EPHA6: variants seen among roughly 807,000 people sequenced by gnomAD.
EPHA6 encodes the protein EPH receptor A6.
In EPHA6, 50 loss-of-function variants were observed where a neutral mutation model predicts 112.0. The observed-to-expected ratio is 0.45, with a 90% confidence interval of 0.36 to 0.56. The LOEUF (loss-of-function observed/expected upper bound fraction) is 0.56. Ranked by LOEUF, EPHA6 falls within the 20% of genes least tolerant of loss-of-function variation. The pLI, the probability that EPHA6 is intolerant of heterozygous loss-of-function variation, is 0.00. For synonymous variants in EPHA6, 529 were observed against 490.7 expected, an observed-to-expected ratio of 1.08 and a Z score of -1.03; for missense variants, 1,280 against 1,417.4, an observed-to-expected ratio of 0.90 and a Z score of 1.56.
chr3:97,549,759 G>A (rs568682552), intron 11 of EPHA6, among the ~76,000 whole-genome samples: 12 of 152,058 alleles, frequency 7.9e-5, no homozygotes, highest in South Asian at 4.2e-4. Context: ...GCAGTGAGCC[G>A]AGCATCATGC....
intron 2 of EPHA6, among the ~76,000 whole-genome samples, chr3:96,934,864 G>A (rs1313834419): frequency 2.0e-5 from 3 of 148,776 alleles, no homozygotes; most frequent in Admixed American, 2.0e-4. Context: ...CATCCTTTAA[G>A]TATAATAGCT....
chr3:97,294,809 T>A (rs1387916149), intron 5 of EPHA6, among the ~76,000 whole-genome samples: 2 of 152,190 alleles, frequency 1.3e-5, no homozygotes, highest in Non-Finnish European at 2.9e-5. Context: ...ATTCCCTTAG[T>A]CTTTGCTTCT....
intron 7 of EPHA6, among the ~76,000 whole-genome samples, chr3:97,467,320 AAT>A: frequency 6.6e-6 from 1 of 151,776 alleles, no homozygotes; most frequent in East Asian, 1.9e-4. Flanking sequence ...TTCTATGAAA[AAT>A]AGACTCCAAA....
intron 3 of EPHA6, among the ~76,000 whole-genome samples, chr3:97,221,751 G>C (rs1288362415): frequency 6.6e-6 from 1 of 151,964 alleles, no homozygotes; most frequent in Non-Finnish European, 1.5e-5. Flanking sequence ...AAAACTAAAG[G>C]CTGGGTGCGG....
intron 3 of EPHA6, among the ~76,000 whole-genome samples, chr3:97,037,825 A>G (rs1036817948): frequency 1.3e-5 from 2 of 152,092 alleles, no homozygotes; most frequent in East Asian, 1.9e-4. Flanking sequence ...AATTCAGGGC[A>G]TGGAAAATAA....
intron 5 of EPHA6, among the ~76,000 whole-genome samples, chr3:97,363,219 T>TCTC: frequency 1.3e-5 from 1 of 77,220 alleles, no homozygotes; most frequent in Non-Finnish European, 3.0e-5. Flanking sequence ...TATATATATA[T>TCTC]ATATATATAT....
At chr3:97,269,660 G>C (rs2079816042) in intron 5 of EPHA6, among the ~76,000 whole-genome samples, 2 of 152,140 alleles carry the variant, frequency 1.3e-5, no homozygotes, top group South Asian at 4.2e-4. Flanking sequence ...AACACAACTG[G>C]AGTATGTCCT....
chr3:97,281,604 A>G (rs1303366671), intron 5 of EPHA6, among the ~76,000 whole-genome samples: 1 of 152,178 alleles, frequency 6.6e-6, no homozygotes, highest in Non-Finnish European at 1.5e-5. Context: ...GGATTATAAC[A>G]CAATGAAAAT....
chr3:97,690,834 C>T (rs1282440499), intron 14 of EPHA6, among the ~76,000 whole-genome samples: 3 of 152,104 alleles, frequency 2.0e-5, no homozygotes, highest in Non-Finnish European at 1.5e-5. Flanking sequence ...TTTATATGTT[C>T]TGGATACAAG....
chr3:97,518,453 A>AT lies in EPHA6; in HGVS notation c.2201-13894dup, dbSNP rs954554562. On this transcript the variant is annotated intron_variant, in intron 10 of 17. Transcript: ENST00000389672. ...GGTTCAGGTATCTTTAGACATACTG[A>AT]TTTTTTTTTTTCCTTTGGATAAATA... Among the ~76,000 whole-genome samples the AT allele has an allele frequency of 9.0e-4, 131 of 146,124 alleles. No individual in the cohort carries two copies. In the Middle Eastern group the frequency reaches 0.011, roughly 12 times the overall value.
intron 3 of EPHA6, among the ~76,000 whole-genome samples, chr3:97,116,138 T>C (rs1364440797): frequency 1.3e-5 from 2 of 151,792 alleles, no homozygotes; most frequent in African/African-American, 2.4e-5. Flanking sequence ...GCATGTGTCT[T>C]CTTTTAAAAC....
intron 5 of EPHA6, among the ~76,000 whole-genome samples, chr3:97,290,405 A>G (rs1371184995): frequency 6.6e-6 from 1 of 152,142 alleles, no homozygotes; most frequent in African/African-American, 2.4e-5. Flanking sequence ...AGAAGAATGT[A>G]TAGTCTGTGG....
At chr3:97,742,636 C>T (rs770194663) in intron 16 of EPHA6, among the ~76,000 whole-genome samples, 1 of 151,980 alleles carries the variant, frequency 6.6e-6, no homozygotes, top group Non-Finnish European at 1.5e-5. Context: ...CTGTTTGAAA[C>T]AAATATATAT....
chr3:97,475,000 A>G (rs1419240801), intron 7 of EPHA6, among the ~76,000 whole-genome samples: 1 of 152,102 alleles, frequency 6.6e-6, no homozygotes, highest in Non-Finnish European at 1.5e-5. Context: ...AGTGTTTAAG[A>G]GGAAATACAG....
intron 2 of EPHA6, among the ~76,000 whole-genome samples, chr3:96,932,479 T>G (rs2107660278): frequency 6.6e-6 from 1 of 152,342 alleles, no homozygotes. Context: ...TTTCTATTAT[T>G]TAACATATAT....
intron 2 of EPHA6, among the ~76,000 whole-genome samples, chr3:96,876,073 G>A (rs1294094279): frequency 1.3e-5 from 2 of 149,874 alleles, no homozygotes; most frequent in Non-Finnish European, 3.0e-5. Context: ...TCCAGAGCAA[G>A]CACATACAAA....
intron 3 of EPHA6, among the ~76,000 whole-genome samples, chr3:97,198,753 G>GA (rs1331959369): frequency 6.6e-6 from 1 of 151,992 alleles, no homozygotes; most frequent in Non-Finnish European, 1.5e-5. Context: ...CATTTATAAT[G>GA]AAAAATCATT....
chr3:97,082,560 C>A (rs2046756643), intron 3 of EPHA6, among the ~76,000 whole-genome samples: 1 of 151,922 alleles, frequency 6.6e-6, no homozygotes, highest in South Asian at 2.1e-4. Context: ...CCCTTGCATA[C>A]ACTCCCTTTA....
chr3:97,411,481 C>T (rs147569347), intron 6 of EPHA6, among the ~76,000 whole-genome samples: 1 of 152,122 alleles, frequency 6.6e-6, no homozygotes, highest in East Asian at 1.9e-4. Context: ...AAAAGTTATT[C>T]TATCTTTGGT....
Sources: gnomAD v4.1 joint callset for allele counts (sites outside exome capture counted in the v4.1 genomes callset) on GRCh38, gnomAD v4.1.1 for gene constraint, MANE v1.5 for transcripts, NCBI Gene and HGNC (gene_info 2026-07-23, HGNC 2026-07-21) for gene names.